Variants in SRPK2 observed in about 807,000 individuals in gnomAD.
SRPK2 encodes the protein SFRS protein kinase 2.
SRPK2 carries 21 observed loss-of-function variants against 90.8 expected under a neutral mutation model. That is an observed-to-expected ratio of 0.23 (90% CI 0.16 to 0.33). SRPK2 has a LOEUF of 0.33. Ranked by LOEUF, SRPK2 falls within the 10% of genes least tolerant of loss-of-function variation. The probability of loss-of-function intolerance (pLI) is 1.00; values close to 1 mark genes in which losing one functional copy is unlikely to be tolerated. For synonymous variants in SRPK2, 288 were observed against 311.1 expected (o/e 0.93, Z 0.78); for missense variants, 620 against 869.0 (o/e 0.71, Z 3.60).
intron 2 of SRPK2, chr7:105,298,769 C>A (rs1810170241): frequency 1.0e-6 from 1 of 985,574 alleles, no homozygotes; most frequent in Admixed American, 6.1e-5. Flanking sequence ...AGGCACAGGG[C>A]CCACTCCAAC....
intron 2 of SRPK2, among the ~76,000 whole-genome samples, chr7:105,376,610 C>A (rs986558322): frequency 1.3e-5 from 2 of 150,762 alleles, no homozygotes; most frequent in Non-Finnish European, 3.0e-5. Context: ...CACGATCTGG[C>A]TCACTGCAAC....
chr7:105,168,745 A>ATGTGTGTGTGTGTGTGTGTGTGTGTG (rs58073613), intron 4 of SRPK2, among the ~76,000 whole-genome samples: 1,633 of 104,028 alleles, frequency 0.016, 91 homozygotes, highest in Non-Finnish European at 0.024. Flanking sequence ...CACGCACCAA[A>ATGTGTGTGTGTGTGTGTGTGTGTGTG]TGTGTGTGTG....
At chr7:105,359,451 C>T (rs1177271350) in intron 2 of SRPK2, among the ~76,000 whole-genome samples, 1 of 152,226 alleles carries the variant, frequency 6.6e-6, no homozygotes, top group Non-Finnish European at 1.5e-5. Context: ...AGCCACTGTG[C>T]CAGGCCCACA....
At chr7:105,386,313 C>CAA (rs200837847) in intron 2 of SRPK2, among the ~76,000 whole-genome samples, 44 of 15,414 alleles carry the variant, frequency 2.9e-3, no homozygotes, top group African/African-American at 6.4e-3. Context: ...GACTCGGTCT[C>CAA]AAAAAAAAAA....
At chr7:105,321,183 C>T (rs1489126950) in intron 2 of SRPK2, among the ~76,000 whole-genome samples, 1 of 152,094 alleles carries the variant, frequency 6.6e-6, no homozygotes, top group African/African-American at 2.4e-5. Context: ...TACACATGCA[C>T]AGCAATAACA....
chr7:105,151,841 C>T (rs575808411), intron 7 of SRPK2, among the ~76,000 whole-genome samples: 52 of 152,076 alleles, frequency 3.4e-4, no homozygotes, highest in African/African-American at 1.1e-3. Context: ...CTGGCCAACA[C>T]GGTGAAACCC....
At chr7:105,380,321 G>C (rs1393761921) in intron 2 of SRPK2, among the ~76,000 whole-genome samples, 2 of 151,886 alleles carry the variant, frequency 1.3e-5, no homozygotes, top group Non-Finnish European at 2.9e-5. Context: ...TAGTAGAGAC[G>C]GGGTTTCATC....
chr7:105,304,112 A>G (rs753773900), intron 2 of SRPK2, among the ~76,000 whole-genome samples: 10 of 152,232 alleles, frequency 6.6e-5, no homozygotes, highest in Non-Finnish European at 1.5e-4. Context: ...TTTGATCTCA[A>G]TGGCACTGCT....
rs76930711 is a variant in SRPK2 at position 105,236,041 on chromosome 7, T to C, written c.72-32256A>G. ...TCTGTGGTTCTCAAACTTAGGTATATGTCAGAGTCTCCTCAAGACCTTGTT... is the reference window on the plus strand; with the variant it reads ...TCTGTGGTTCTCAAACTTAGGTATACGTCAGAGTCTCCTCAAGACCTTGTT... On this transcript the variant is annotated intron_variant, in intron 2 of 15. Transcript: ENST00000393651. Among the ~76,000 whole-genome samples, 428 of 152,346 alleles carry C rather than the reference T, an allele frequency of 2.8e-3. 10 individuals carry two copies. In the East Asian group the frequency reaches 0.054, roughly 19 times the overall value.
intron 2 of SRPK2, among the ~76,000 whole-genome samples, chr7:105,219,543 T>G (rs1797855044): frequency 6.6e-6 from 1 of 152,246 alleles, no homozygotes. Context: ...GGCTTTTAAG[T>G]GCTAGAAGCC....
intron 3 of SRPK2, among the ~76,000 whole-genome samples, chr7:105,186,186 GT>G (rs1793555914): frequency 6.6e-6 from 1 of 152,074 alleles, no homozygotes; most frequent in East Asian, 1.9e-4. Flanking sequence ...TTGCTTATAG[GT>G]TTTTACTTTT....
intron 1 of SRPK2, among the ~76,000 whole-genome samples, chr7:105,396,732 AGAGGAG>A (rs148046363): frequency 2.8e-4 from 41 of 148,442 alleles, no homozygotes; most frequent in South Asian, 1.3e-3. Flanking sequence ...GGGAGAAGGA[AGAGGAG>A]GAGGAGGAGG....
At chr7:105,311,152 A>G (rs1162719068) in intron 2 of SRPK2, among the ~76,000 whole-genome samples, 2 of 152,248 alleles carry the variant, frequency 1.3e-5, no homozygotes, top group African/African-American at 4.8e-5. Flanking sequence ...TATATCTGAT[A>G]AGGGTCAAGA....
chr7:105,355,664 T>C (rs147735644), intron 2 of SRPK2, among the ~76,000 whole-genome samples: 153 of 152,070 alleles, frequency 1.0e-3, no homozygotes, highest in African/African-American at 3.6e-3. Context: ...AAAAAAGTGA[T>C]AGAAAATCCA....
At chr7:105,119,565 A>G (rs1283912469) in intron 15 of SRPK2, among the ~76,000 whole-genome samples, 1 of 152,196 alleles carries the variant, frequency 6.6e-6, no homozygotes, top group Non-Finnish European at 1.5e-5. Context: ...TCTGTTTCCA[A>G]TATGAGGACT....
intron 2 of SRPK2, among the ~76,000 whole-genome samples, chr7:105,358,327 G>A (rs1403071904): frequency 6.6e-6 from 1 of 150,424 alleles, no homozygotes; most frequent in East Asian, 2.0e-4. Flanking sequence ...CATTTTGTAT[G>A]TTATATGTAT....
chr7:105,121,995 T>C lies in SRPK2; in HGVS notation c.1916-3973A>G, dbSNP rs78926038. On this transcript the variant is annotated intron_variant, in intron 15 of 15. Transcript: ENST00000393651. The stretch of plus-strand genomic sequence containing the variant: ...ATGATATAAAACTGATGAGCATCAA[T>C]TGTGTACACGTAGAAAGTAAACCTA... Among the ~76,000 whole-genome samples, 573 of 152,292 alleles carry C rather than the reference T, an allele frequency of 3.8e-3. 16 individuals are homozygous for C. In the East Asian group the frequency reaches 0.063, roughly 17 times the overall value.
At chr7:105,198,392 G>A (rs1213828083) in intron 3 of SRPK2, among the ~76,000 whole-genome samples, 3 of 152,064 alleles carry the variant, frequency 2.0e-5, no homozygotes, top group East Asian at 1.9e-4. Context: ...AAGGCCTCCC[G>A]ACAGTGTTTG....
intron 2 of SRPK2, among the ~76,000 whole-genome samples, chr7:105,299,206 T>A (rs1054634716): frequency 1.3e-5 from 2 of 152,192 alleles, no homozygotes; most frequent in East Asian, 3.9e-4. Context: ...ACCATCCCAA[T>A]CTGAAGACTG....
Sources: gnomAD v4.1 joint callset for allele counts (sites outside exome capture counted in the v4.1 genomes callset) on GRCh38, gnomAD v4.1.1 for gene constraint, MANE v1.5 for transcripts, NCBI Gene and HGNC (gene_info 2026-07-23, HGNC 2026-07-21) for gene names.